Variants in RAP1GAP2 observed in about 807,000 individuals in gnomAD.
RAP1GAP2 encodes the protein rap1 GTPase-activating protein 2.
In RAP1GAP2, 27 loss-of-function variants were observed where a neutral mutation model predicts 95.0. The observed-to-expected ratio is 0.28, with a 90% CI of 0.21 to 0.39. The LOEUF (loss-of-function observed/expected upper bound fraction) is 0.39, where lower values mean the gene tolerates loss of function less well. Among genes scored for constraint, RAP1GAP2 ranks in the 10% least tolerant of loss-of-function variants. The pLI is 1.00. For missense variants in RAP1GAP2, 771 were observed against 970.0 expected (o/e 0.79, Z 2.72); for synonymous variants, 373 against 380.9 (o/e 0.98, Z 0.24).
intron 4 of RAP1GAP2, chr17:2,962,344 A>C: frequency 2.9e-6 from 1 of 349,478 alleles, no homozygotes. Flanking sequence ...CGATGCCATC[A>C]TCATTCCCAT....
rs1186270066 is a variant in RAP1GAP2, at chr17:2,965,389, G to A, written c.493-151G>A. ...GGCGCCTCCTGAGGATCCGGCCGTCGGTACCTGTTAATGTCGTTGTCATTG... is the reference window on the plus strand; with the variant it reads ...GGCGCCTCCTGAGGATCCGGCCGTCAGTACCTGTTAATGTCGTTGTCATTG... On this transcript the variant is annotated intron_variant, in intron 7 of 24. Coordinates refer to ENST00000254695, the MANE Select transcript of RAP1GAP2 (RefSeq NM_015085.5). This position sits in a 1 kb window ranked among gnomAD's most constrained non-coding sequence, Gnocchi z 4.7. The A allele has an allele frequency of 7.7e-6, 5 of 649,042 alleles. No homozygotes were observed. Among genetic ancestry groups the A allele is most frequent in the South Asian group, 1.9e-5 (1 of 52,270 alleles). 40.2% of individuals were successfully genotyped at this position (649,042 alleles called of 1,614,324 possible).
At chr17:2,983,396 T>C (rs955999748) in intron 10 of RAP1GAP2, among the ~76,000 whole-genome samples, 37 of 152,146 alleles carry the variant, frequency 2.4e-4, no homozygotes, top group African/African-American at 8.4e-4. Context: ...CTCATTCAAG[T>C]GCGTTGACAT....
chr17:2,887,450 C>G (rs139858289), intron 2 of RAP1GAP2, among the ~76,000 whole-genome samples: 2,157 of 151,722 alleles, frequency 0.014, 45 homozygotes, highest in African/African-American at 0.049. Context: ...TCTCGGCTCA[C>G]TACAACCTCC....
At chr17:2,948,362 A>G (rs962972512) in intron 3 of RAP1GAP2, among the ~76,000 whole-genome samples, 2 of 152,212 alleles carry the variant, frequency 1.3e-5, no homozygotes, top group Non-Finnish European at 2.9e-5. Flanking sequence ...AGGTGGGGCC[A>G]GTGAGAGTCA....
intron 10 of RAP1GAP2, among the ~76,000 whole-genome samples, chr17:2,984,495 T>C (rs975031880): frequency 1.2e-4 from 19 of 152,314 alleles, no homozygotes; most frequent in Middle Eastern, 3.4e-3. Flanking sequence ...TTAGGGTATG[T>C]TCCTCCTTAG....
At chr17:2,891,116 G>A (rs2073699196) in intron 2 of RAP1GAP2, among the ~76,000 whole-genome samples, 1 of 151,360 alleles carries the variant, frequency 6.6e-6, no homozygotes, top group South Asian at 2.1e-4. Context: ...TCTGCCATTA[G>A]CTTTGTTTTC....
intron 2 of RAP1GAP2, among the ~76,000 whole-genome samples, chr17:2,830,238 C>G (rs1444911511): frequency 6.6e-6 from 1 of 151,462 alleles, no homozygotes; most frequent in South Asian, 2.1e-4. Flanking sequence ...ATGGTGAAAC[C>G]CTGTCTGTAC....
intron 3 of RAP1GAP2, 150 bp downstream of exon 3, chr17:2,905,518 G>A (rs986140902): frequency 3.0e-5 from 22 of 723,308 alleles, no homozygotes; most frequent in Admixed American, 2.8e-5. Flanking sequence ...GTTCAGTTAA[G>A]CACCAGTGCG....
intron 2 of RAP1GAP2, among the ~76,000 whole-genome samples, chr17:2,841,971 T>G (rs2071389535): frequency 6.6e-6 from 1 of 152,156 alleles, no homozygotes; most frequent in Non-Finnish European, 1.5e-5. Context: ...CAGCTGCCTG[T>G]GCAACTGGCC....
rs1189300346 is a variant in RAP1GAP2, at chr17:2,825,635, C to T, written c.80+25085C>T. ...CCATCCGGAAAGTGAAGATAAGGAG[C>T]GTCCCTGTCTCACAGGGATGTTTGA... On this transcript the variant is annotated intron_variant, in intron 2 of 24. Coordinates refer to ENST00000254695, the MANE Select transcript of RAP1GAP2 (RefSeq NM_015085.5). The surrounding 1 kb of genome is among the most constrained non-coding windows in gnomAD (Gnocchi z 4.1). 6.6e-6 allele frequency among the ~76,000 whole-genome samples: 1 copy of T among 152,034 alleles called. No individual in the cohort carries two copies. Among genetic ancestry groups the T allele is most frequent in the Non-Finnish European group, 1.5e-5 (1 of 68,030 alleles).
intron 3 of RAP1GAP2, 42 bp from the exon 4 acceptor site, chr17:2,957,717 G>A (rs770210443): frequency 6.4e-5 from 102 of 1,596,626 alleles, no homozygotes; most frequent in East Asian, 3.2e-4. Context: ...TGGACCTCCC[G>A]GCTGATCCCT....
At chr17:2,821,797 C>T (rs1029576389) in intron 2 of RAP1GAP2, among the ~76,000 whole-genome samples, 2 of 152,162 alleles carry the variant, frequency 1.3e-5, no homozygotes, top group African/African-American at 4.8e-5. Flanking sequence ...GGGAACAACG[C>T]AGGTACAGAA....
At chr17:2,898,266 A>C (rs985799114) in intron 2 of RAP1GAP2, among the ~76,000 whole-genome samples, 1 of 152,108 alleles carries the variant, frequency 6.6e-6, no homozygotes, top group African/African-American at 2.4e-5. Context: ...AAATCTTTGG[A>C]ATCCTCTCAG....
In RAP1GAP2 at chr17:3,005,224, C is replaced by T; in HGVS notation, c.1201-145C>T. 4 of 831,540 alleles carry T rather than the reference C, an allele frequency of 4.8e-6. No individual in the cohort carries two copies. The highest frequency in any genetic ancestry group is 1.8e-5 in the Admixed American group (1 of 56,340). 51.5% of individuals were successfully genotyped at this position (831,540 alleles called of 1,614,324 possible). A position where few individuals can be genotyped will look rare whatever the true frequency, so the allele number is the denominator to read the frequency against. ...TCTAGGAACAGGGTCAGGGCCTGTGCTGGCGATGCTCACAGGAGTATTTTG... is the reference window on the plus strand; with the variant it reads ...TCTAGGAACAGGGTCAGGGCCTGTGTTGGCGATGCTCACAGGAGTATTTTG... On this transcript the variant is annotated intron_variant, in intron 14 of 24. Transcript: ENST00000254695. The surrounding 1 kb of genome is among the most constrained non-coding windows in gnomAD (Gnocchi z 5.2).
At chr17:2,896,767 T>C (rs1020418704) in intron 2 of RAP1GAP2, among the ~76,000 whole-genome samples, 2 of 152,184 alleles carry the variant, frequency 1.3e-5, no homozygotes, top group African/African-American at 4.8e-5. Context: ...CCTGGTGCAG[T>C]TTAGGACTTC....
intron 3 of RAP1GAP2, among the ~76,000 whole-genome samples, chr17:2,939,679 C>CA (rs1322045267): frequency 1.3e-5 from 2 of 152,224 alleles, no homozygotes; most frequent in African/African-American, 4.8e-5. Flanking sequence ...GTTGAGAACT[C>CA]ACTCAGGGCA....
At chr17:2,918,850 T>C (rs1406423943) in intron 3 of RAP1GAP2, among the ~76,000 whole-genome samples, 1 of 152,138 alleles carries the variant, frequency 6.6e-6, no homozygotes, top group Admixed American at 6.5e-5. Context: ...TGGGTGGCTG[T>C]AGTGAAGATT....
chr17:2,863,269 G>T (rs911883578), intron 2 of RAP1GAP2, among the ~76,000 whole-genome samples: 1 of 152,096 alleles, frequency 6.6e-6, no homozygotes, highest in Non-Finnish European at 1.5e-5. Flanking sequence ...TGGAGCAGAC[G>T]CTGTGTTTAT....
At position 2,905,332 on chromosome 17, in the gene RAP1GAP2, G is replaced by A. The variant is rs373863724; in HGVS notation, c.129G>A (p.Pro43=). The A allele has an allele frequency of 5.6e-6, 9 of 1,613,700 alleles. No homozygotes were observed. The highest frequency in any genetic ancestry group is 5.0e-5 in the Admixed American group (3 of 60,010). Residue 43 remains proline (P), a synonymous_variant, in exon 3 of 25, where the codon CCG becomes CCA. Transcript: ENST00000254695. ...CGGATGCGACCCTCCCAGACCGGCC[G>A]CTCTCCCCTCCTCTCACGGCACCTC... is the stretch of plus-strand genomic sequence containing the variant. ...NSSDATLPDR[P]LSPPLTAPPT...
Sources: allele counts gnomAD v4.1 joint callset (sites outside exome capture counted in the v4.1 genomes callset), GRCh38; gene constraint gnomAD v4.1.1; non-coding constraint Gnocchi (gnomAD v3.1); transcripts MANE v1.5; gene names NCBI Gene and HGNC (gene_info 2026-07-23, HGNC 2026-07-21).